The following OPN4 variants were observed in gnomAD, a reference collection of about 807,000 sequenced individuals.
The protein encoded by OPN4 is opsin 4.
In OPN4, 43 loss-of-function variants were observed where a neutral mutation model predicts 49.5. That is an observed-to-expected ratio of 0.87 (90% CI 0.68 to 1.12). OPN4 has a LOEUF of 1.12. Among genes scored for constraint, OPN4 ranks in the 50% most tolerant of loss-of-function variants. The pLI is 0.00. For missense variants in OPN4, 657 were observed against 643.9 expected, an observed-to-expected ratio of 1.02 and a Z score of -0.22; for synonymous variants, 263 against 258.0, an observed-to-expected ratio of 1.02 and a Z score of -0.19.
At chr10:86,658,285 G>A in intron 3 of OPN4, 120 bp downstream of exon 3, 1 of 1,384,916 alleles carries the variant, frequency 7.2e-7, no homozygotes, top group Non-Finnish European at 9.9e-7. Context: ...GTGGGTAGCT[G>A]CCCTCAGTCC....
At chr10:86,655,649 C>G (rs1306341085) in intron 1 of OPN4, among the ~76,000 whole-genome samples, 1 of 152,212 alleles carries the variant, frequency 6.6e-6, no homozygotes, top group African/African-American at 2.4e-5. Context: ...GTTAGCTGTA[C>G]CCAGCTATGC....
intron 6 of OPN4, 84 bp downstream of exon 6, chr10:86,660,143 C>G: frequency 1.4e-6 from 2 of 1,460,850 alleles, no homozygotes. Flanking sequence ...CCTTCCCAGC[C>G]CAACCCCGGC....
rs1844163753 is a variant in OPN4 at position 86,665,935 on chromosome 10, A to G, written c.*184A>G. On this transcript the variant is annotated 3_prime_UTR_variant, in exon 10 of 10. Transcript: ENST00000241891. ...CTCCACACCTCAAAACTCCTGCCCCATAACGTCCTCCGCATCCACTTTCCA... is the reference window on the plus strand; with the variant it reads ...CTCCACACCTCAAAACTCCTGCCCCGTAACGTCCTCCGCATCCACTTTCCA... 3.4e-6 allele frequency: 2 copies of G among 582,520 alleles called. No homozygotes were observed. Among genetic ancestry groups the G allele is most frequent in the African/African-American group, 1.9e-5 (1 of 53,342 alleles). 36.1% of individuals were successfully genotyped at this position (582,520 alleles called of 1,614,324 possible). A position where few individuals can be genotyped will look rare whatever the true frequency, so the allele number is the denominator to read the frequency against.
rs1322527210 is a variant in OPN4 at position 86,661,305 on chromosome 10, C to CATGA, written c.991_994dup (p.Ser332AsnfsTer87). The CATGA allele has an allele frequency of 2.5e-6, 4 of 1,613,962 alleles. No homozygotes were observed. Among genetic ancestry groups the CATGA allele is most frequent in the Non-Finnish European group, 3.4e-6 (4 of 1,180,000 alleles). ...GGTACGCACACGTCCTGACACCCTACATGAGCTCGGTGCCAGCCGTCATCG... is the reference window on the plus strand; with the variant it reads ...GGTACGCACACGTCCTGACACCCTACATGAATGAGCTCGGTGCCAGCCGTCATCG... On this transcript the variant is annotated frameshift_variant, in exon 7 of 10. Coordinates refer to ENST00000241891, the MANE Select transcript of OPN4 (RefSeq NM_033282.4). LOFTEE classifies it high-confidence loss of function.
chr10:86,666,415 A>C lies in OPN4; in HGVS notation c.*664A>C, dbSNP rs965540723. On this transcript the variant is annotated 3_prime_UTR_variant, in exon 10 of 10. Transcript: ENST00000241891. ...CTCCTCCCAGGGCTGTGTGGATCTG[A>C]CAGGGTATAGGAAAATAAAAAGCGG... The C allele has an allele frequency of 5.2e-6, 1 of 192,448 alleles. No individual in the cohort carries two copies. The highest frequency in any genetic ancestry group is 2.3e-5 in the African/African-American group (1 of 43,094). 11.9% of individuals were successfully genotyped at this position (192,448 alleles called of 1,614,324 possible).
chr10:86,656,428 AG>A, intron 2 of OPN4, 128 bp downstream of exon 2: 1 of 1,196,426 alleles, frequency 8.4e-7, no homozygotes, highest in South Asian at 1.5e-5. Flanking sequence ...CAAGGAGGGC[AG>A]GGCCATGCCT....
At chr10:86,657,991 G>C in intron 2 of OPN4, 41 bp from the exon 3 acceptor site, 1 of 1,600,248 alleles carries the variant, frequency 6.2e-7, no homozygotes, top group Non-Finnish European at 8.5e-7. Flanking sequence ...TAGCTCTGGA[G>C]GTGTCAGGAA....
chr10:86,663,550 C>T (rs763685877), intron 8 of OPN4, 109 bp from the exon 9 acceptor site: 25 of 1,071,078 alleles, frequency 2.3e-5, no homozygotes, highest in African/African-American at 1.3e-4. Context: ...AGGGGCCTCC[C>T]GCAATGAATA....
Position 86,658,563 on chromosome 10 carries a change from C to T in OPN4, c.504C>T (p.Arg168=). The part of the protein sequence containing the change: ...MITLTAIALD[R]YLVITRPLAT... The stretch of plus-strand genomic sequence containing the variant: ...CCCTGACGGCCATCGCCCTGGACCG[C>T]TACCTGGTAATCACACGCCCGCTGG... The change falls in exon 4 of 10, where the codon CGC becomes CGT. Residue 168 remains arginine (R), a synonymous_variant. Coordinates refer to ENST00000241891, the MANE Select transcript of OPN4 (RefSeq NM_033282.4). 1.9e-6 allele frequency: 3 copies of T among 1,614,228 alleles called. No homozygotes were observed. Among genetic ancestry groups the T allele is most frequent in the Non-Finnish European group, 2.5e-6 (3 of 1,180,040 alleles).
chr10:86,662,145 G>C, intron 7 of OPN4, 107 bp from the exon 8 acceptor site: 3 of 922,826 alleles, frequency 3.3e-6, no homozygotes, highest in Non-Finnish European at 4.9e-6. Flanking sequence ...TTTCCCCAGA[G>C]GCTCTCGGTC....
rs1843916149 is a variant in OPN4, at chr10:86,658,223, C to T, written c.424+58C>T. 14 of 1,593,410 alleles carry T rather than the reference C, an allele frequency of 8.8e-6. No homozygotes were observed. The Admixed American group carries it at 2.0e-4, about 22-fold the overall frequency. Reference sequence around the variant, plus strand: ...GGAGGAGGGTTTTGACCTGGGGATGCCCTCAATGGAGGGTGGCCCAAAGGA... The same window carrying T: ...GGAGGAGGGTTTTGACCTGGGGATGTCCTCAATGGAGGGTGGCCCAAAGGA... On this transcript the variant is annotated intron_variant, in intron 3 of 9. Coordinates refer to ENST00000241891, the MANE Select transcript of OPN4 (RefSeq NM_033282.4).
chr10:86,655,458 G>A (rs1843841679), intron 1 of OPN4, among the ~76,000 whole-genome samples: 1 of 152,198 alleles, frequency 6.6e-6, no homozygotes, highest in African/African-American at 2.4e-5. Context: ...AGCTATAGGG[G>A]CCACTGCGGC....
rs776512710 is a variant in OPN4 at position 86,659,373 on chromosome 10, C to T, written c.705C>T (p.Tyr235=). ...YMSFTPAVRA[Y]TMLLCCFVFF... is the part of the protein sequence containing the mutation. ...GCTTCACGCCGGCCGTGCGTGCCTA[C>T]ACCATGCTTCTCTGCTGCTTCGTGT... The change falls in exon 5 of 10, where the codon TAC becomes TAT. Residue 235 remains tyrosine, a synonymous_variant. Transcript: ENST00000241891. 1 of 1,614,076 alleles carries T rather than the reference C, an allele frequency of 6.2e-7. No homozygotes were observed. Among genetic ancestry groups the T allele is most frequent in the Non-Finnish European group, 8.5e-7 (1 of 1,180,032 alleles).
At position 86,665,797 on chromosome 10, in the gene OPN4, C is replaced by G. The variant is rs534666956; in HGVS notation, c.*46C>G. The G allele has an allele frequency of 2.7e-6, 4 of 1,470,086 alleles. No homozygotes were observed. Among genetic ancestry groups the G allele is most frequent in the Admixed American group, 1.7e-5 (1 of 59,288 alleles). The allele number at this position is 1,470,086 out of a possible 1,614,324, so 91.1% of individuals were successfully genotyped here. The stretch of plus-strand genomic sequence containing the variant: ...TTCTTCTGAGACACATCCAGCCCCC[C>G]CACGTCTCCCTCATATACACAGACC... On this transcript the variant is annotated 3_prime_UTR_variant, in exon 10 of 10. Transcript: ENST00000241891.
chr10:86,654,998 A>C, intron 1 of OPN4, 71 bp downstream of exon 1: 1 of 1,489,452 alleles, frequency 6.7e-7, no homozygotes, highest in Non-Finnish European at 9.2e-7. Context: ...CTGGCCACAC[A>C]CAGGGGCTTT....
At position 86,665,909 on chromosome 10, in the gene OPN4, T is replaced by C; in HGVS notation, c.*158T>C. ...TTCACAGCCCCAGCCCCATGGCCCCTCTCCACACCTCAAAACTCCTGCCCC... is the reference window on the plus strand; with the variant it reads ...TTCACAGCCCCAGCCCCATGGCCCCCCTCCACACCTCAAAACTCCTGCCCC... On this transcript the variant is annotated 3_prime_UTR_variant, in exon 10 of 10. Transcript: ENST00000241891. The C allele has an allele frequency of 1.6e-6, 1 of 619,754 alleles. No individual in the cohort carries two copies. 38.4% of individuals were successfully genotyped at this position (619,754 alleles called of 1,614,324 possible).
At position 86,665,967 on chromosome 10, in the gene OPN4, C is replaced by T. The variant is rs114108798; in HGVS notation, c.*216C>T. 882 of 569,746 alleles carry T rather than the reference C, an allele frequency of 1.5e-3. 9 individuals carry two copies. Among genetic ancestry groups the T allele is most frequent in the African/African-American group, 0.015 (805 of 53,156 alleles). 35.3% of individuals were successfully genotyped at this position (569,746 alleles called of 1,614,324 possible). On this transcript the variant is annotated 3_prime_UTR_variant, in exon 10 of 10. Coordinates refer to ENST00000241891, the MANE Select transcript of OPN4 (RefSeq NM_033282.4). The stretch of plus-strand genomic sequence containing the variant: ...CCTCCGCATCCACTTTCCAGCTCAG[C>T]AGCCGCACCCGAGGCTCAGCCTGAG...
Position 86,665,977 on chromosome 10 carries a change from C to T in OPN4, c.*226C>T, listed in dbSNP as rs753982345. The T allele has an allele frequency of 5.3e-6, 3 of 565,048 alleles. No individual in the cohort carries two copies. The highest frequency in any genetic ancestry group is 3.4e-5 in the Admixed American group (1 of 29,274). 35.0% of individuals were successfully genotyped at this position (565,048 alleles called of 1,614,324 possible). A position where few individuals can be genotyped will look rare whatever the true frequency, so the allele number is the denominator to read the frequency against. On this transcript the variant is annotated 3_prime_UTR_variant, in exon 10 of 10. Coordinates refer to ENST00000241891, the MANE Select transcript of OPN4 (RefSeq NM_033282.4). ...CACTTTCCAGCTCAGCAGCCGCACCCGAGGCTCAGCCTGAGGGGTATGTGC... is the reference window on the plus strand; with the variant it reads ...CACTTTCCAGCTCAGCAGCCGCACCTGAGGCTCAGCCTGAGGGGTATGTGC...
At chr10:86,661,155 A>G (rs1427307623) in intron 6 of OPN4, 126 bp from the exon 7 acceptor site, 10 of 743,386 alleles carry the variant, frequency 1.3e-5, no homozygotes, top group Admixed American at 4.4e-5. Flanking sequence ...ATTCCTCCCT[A>G]TGGGGCTGAC....
Sources: gnomAD v4.1 joint callset for allele counts (sites outside exome capture counted in the v4.1 genomes callset) on GRCh38, gnomAD v4.1.1 for gene constraint, MANE v1.5 for transcripts, NCBI Gene and HGNC (gene_info 2026-07-23, HGNC 2026-07-21) for gene names.